The following ASXL3 variants were observed in gnomAD, a reference collection of about 807,000 sequenced individuals.
ASXL3 encodes the protein ASXL transcriptional regulator 3, also known as putative Polycomb group protein ASXL3.
ASXL3 carries 34 observed loss-of-function variants against 170.6 expected under a neutral mutation model. The ratio of observed to expected loss-of-function variants is 0.20; its 90% CI spans 0.15 to 0.27. ASXL3 has a LOEUF of 0.27. Among genes scored for constraint, ASXL3 ranks in the 10% least tolerant of loss-of-function variants. The pLI is 1.00. For missense variants in ASXL3, 2,592 were observed against 2,695.3 expected, an observed-to-expected ratio of 0.96 and a Z score of 0.85; for synonymous variants, 1,002 against 989.1, an observed-to-expected ratio of 1.01 and a Z score of -0.24.
chr18:33,658,115 C>G (rs988216924), intron 4 of ASXL3, among the ~76,000 whole-genome samples: 1 of 152,118 alleles, frequency 6.6e-6, no homozygotes, highest in Non-Finnish European at 1.5e-5. Flanking sequence ...GATAAAACAT[C>G]TGTCCTAATT....
chr18:33,642,653 A>G (rs965038058), intron 2 of ASXL3, among the ~76,000 whole-genome samples: 1 of 151,914 alleles, frequency 6.6e-6, no homozygotes, highest in Non-Finnish European at 1.5e-5. Flanking sequence ...TCCGTAGTAA[A>G]TCTTGTGTTT....
intron 1 of ASXL3, among the ~76,000 whole-genome samples, chr18:33,583,848 G>A (rs148550621): frequency 1.3e-5 from 2 of 152,104 alleles, no homozygotes; most frequent in Non-Finnish European, 2.9e-5. Context: ...AAACTTCAAT[G>A]AAATGCACTG....
chr18:33,610,948 A>T (rs1361733630), intron 2 of ASXL3, among the ~76,000 whole-genome samples: 3 of 152,106 alleles, frequency 2.0e-5, no homozygotes, highest in Non-Finnish European at 1.5e-5. Flanking sequence ...AAACACTGTG[A>T]AAGCCACTGG....
intron 9 of ASXL3, 147 bp from the exon 10 acceptor site, chr18:33,734,163 A>G (rs2067505969): frequency 2.1e-6 from 1 of 474,054 alleles, no homozygotes; most frequent in Non-Finnish European, 3.6e-6. Flanking sequence ...ATGTTCATAA[A>G]AAGAGAAGAT....
At chr18:33,605,742 A>T (rs1229340526) in intron 1 of ASXL3, 1 of 152,010 alleles carries the variant, frequency 6.6e-6, no homozygotes, top group Non-Finnish European at 1.5e-5. Context: ...GGCCCTTTCT[A>T]GATTTAATCA....
rs2067840369 is a variant in ASXL3 at position 33,748,897 on chromosome 18, A to G, written c.*2302A>G. 6.6e-6 allele frequency: 1 copy of G among 152,176 alleles called. No homozygotes were observed. The highest frequency in any genetic ancestry group is 6.5e-5 in the Admixed American group (1 of 15,282). 9.4% of individuals were successfully genotyped at this position (152,176 alleles called of 1,614,324 possible). On this transcript the variant is annotated 3_prime_UTR_variant, in exon 12 of 12. Coordinates refer to ENST00000269197, the MANE Select transcript of ASXL3 (RefSeq NM_030632.3). ...GTGAGGTACAATTGAGGCTGATGAG[A>G]TACTGAGCTCATTATCAGTTCCTTC...
At position 33,750,535 on chromosome 18, in the gene ASXL3, GTTTTTT is replaced by G. The variant is rs565877506; in HGVS notation, c.*3947_*3952del. The G allele has an allele frequency of 1.5e-5, 2 of 133,494 alleles. No homozygotes were observed. Among genetic ancestry groups the G allele is most frequent in the Non-Finnish European group, 3.2e-5 (2 of 61,658 alleles). 8.3% of individuals were successfully genotyped at this position (133,494 alleles called of 1,614,324 possible). ...CCTGATATGATACATATTTTCAGTA[GTTTTTT>G]TTTTTTAATGTGTGTTCGTTTGTAC... On this transcript the variant is annotated 3_prime_UTR_variant, in exon 12 of 12. Transcript: ENST00000269197.
intron 10 of ASXL3, among the ~76,000 whole-genome samples, chr18:33,735,322 C>G (rs1245952761): frequency 6.6e-6 from 1 of 152,172 alleles, no homozygotes; most frequent in African/African-American, 2.4e-5. Context: ...AGATAATTAA[C>G]AGACTGCTTG....
In ASXL3 at chr18:33,656,684, AT is replaced by A. The variant is rs1407891106; in HGVS notation, c.356-4931del. ...AAAGATGGCAAAGAGAAATCTATCTATAATTAGTGGCAGGTCGTGCAACTTC... is the reference window on the plus strand; with the variant it reads ...AAAGATGGCAAAGAGAAATCTATCTAAATTAGTGGCAGGTCGTGCAACTTC... On this transcript the variant is annotated intron_variant, in intron 4 of 11. Coordinates refer to ENST00000269197, the MANE Select transcript of ASXL3 (RefSeq NM_030632.3). Among the ~76,000 whole-genome samples, 4 of 152,140 alleles carry A rather than the reference AT, an allele frequency of 2.6e-5. No homozygotes were observed. In the East Asian group the frequency reaches 7.7e-4, roughly 29 times the overall value.
intron 8 of ASXL3, among the ~76,000 whole-genome samples, chr18:33,718,367 T>C (rs17753444): frequency 0.09 from 13,678 of 152,206 alleles, 635 homozygotes; most frequent in East Asian, 0.15. Flanking sequence ...AAATGAGTTG[T>C]TCTCACCTTC....
At position 33,601,785 on chromosome 18, in the gene ASXL3, G is replaced by GTATATATATATATATATATATA. The variant is rs1555717840; in HGVS notation, c.55-5799_55-5798insTATATATATATATATATATATA. Among the ~76,000 whole-genome samples the GTATATATATATATATATATATA allele has an allele frequency of 9.5e-4, 99 of 103,934 alleles. 8 individuals carry two copies. The highest frequency in any genetic ancestry group is 3.0e-3 in the South Asian group (10 of 3,296). The allele number at this position is 103,934 out of a possible 152,430, so 68.2% of individuals were successfully genotyped here. A position where few individuals can be genotyped will look rare whatever the true frequency, so the allele number is the denominator to read the frequency against. On this transcript the variant is annotated intron_variant, in intron 1 of 11. Coordinates refer to ENST00000269197, the MANE Select transcript of ASXL3 (RefSeq NM_030632.3). The stretch of plus-strand genomic sequence containing the variant: ...TGAGAATTTAAGTAAATATCTGATT[G>GTATATATATATATATATATATA]TATATATATAGTTTGTTTGTTTTGA...
At chr18:33,582,894 A>G (rs1253715159) in intron 1 of ASXL3, among the ~76,000 whole-genome samples, 1 of 152,056 alleles carries the variant, frequency 6.6e-6, no homozygotes, top group Non-Finnish European at 1.5e-5. Flanking sequence ...ATATTGTGTT[A>G]AAAATTAATC....
intron 1 of ASXL3, among the ~76,000 whole-genome samples, chr18:33,584,384 A>G (rs1251893555): frequency 6.6e-6 from 1 of 152,130 alleles, no homozygotes; most frequent in African/African-American, 2.4e-5. Flanking sequence ...AGGTGGTAAT[A>G]GAAAGGGAAT....
At chr18:33,740,467 G>A in intron 11 of ASXL3, 24 bp downstream of exon 11, 1 of 1,496,424 alleles carries the variant, frequency 6.7e-7, no homozygotes, top group Admixed American at 2.4e-5. Context: ...TAAACAAAAG[G>A]CAATTCCGTA....
At chr18:33,674,869 C>T (rs770623308) in intron 7 of ASXL3, among the ~76,000 whole-genome samples, 106 of 152,232 alleles carry the variant, frequency 7.0e-4, no homozygotes, top group African/African-American at 2.3e-3. Context: ...CCACCTGCCT[C>T]GGCTTCCCAA....
chr18:33,650,318 G>A (rs1043218987), intron 4 of ASXL3, among the ~76,000 whole-genome samples: 1 of 152,042 alleles, frequency 6.6e-6, no homozygotes, highest in Non-Finnish European at 1.5e-5. Flanking sequence ...TAGGAACCAG[G>A]GAGGGAGAAT....
At chr18:33,666,229 T>G (rs2066253312) in intron 5 of ASXL3, among the ~76,000 whole-genome samples, 1 of 152,166 alleles carries the variant, frequency 6.6e-6, no homozygotes, top group Non-Finnish European at 1.5e-5. Context: ...GATAGTCCAT[T>G]AGCATTCCAC....
At position 33,745,981 on chromosome 18, in the gene ASXL3, C is replaced by T. The variant is rs757363902; in HGVS notation, c.6133C>T (p.Leu2045Phe). 1.9e-6 allele frequency: 3 copies of T among 1,599,576 alleles called. No individual in the cohort carries two copies. Among genetic ancestry groups the T allele is most frequent in the Non-Finnish European group, 1.7e-6 (2 of 1,173,844 alleles). Reference sequence around the variant, plus strand: ...CCCACCACCTCCGCTACCTCCACCTCTCCCTAATGCAGAAGTCCCATCTGA... The same window carrying T: ...CCCACCACCTCCGCTACCTCCACCTTTCCCTAATGCAGAAGTCCCATCTGA... The part of the protein sequence containing the change: ...PPPPPPLPPP[L>F]PNAEVPSDQK... Residue 2045 changes from leucine to phenylalanine, a missense_variant, in exon 12 of 12, where the codon CTC becomes TTC. Physicochemically the swap from Leu to Phe is conservative, Grantham distance 22. Around this residue, in one of 4 missense-constraint regions of ASXL3, gnomAD observed 2,246 missense variants for 2,219.6 expected, o/e 1.01. Coordinates refer to ENST00000269197, the MANE Select transcript of ASXL3 (RefSeq NM_030632.3).
Position 33,644,973 on chromosome 18 carries a change from C to G in ASXL3, c.217C>G (p.Pro73Ala), listed in dbSNP as rs1219828469. ...RIGDGTFFKI[P>A]GKSGLYALKK... The stretch of plus-strand genomic sequence containing the variant: ...AGGGGATGGAACATTCTTCAAAATC[C>G]CTGGAAAGTCAGGCCTCTATGCTCT... Residue 73 changes from proline (P) to alanine (A), a missense_variant, in exon 3 of 12, where the codon CCT (proline) becomes GCT (alanine). By Grantham distance (27) the Pro-to-Ala change is conservative. Coordinates refer to ENST00000269197, the MANE Select transcript of ASXL3 (RefSeq NM_030632.3). 6.4e-7 allele frequency: 1 copy of G among 1,571,588 alleles called. No individual in the cohort carries two copies. Among genetic ancestry groups the G allele is most frequent in the South Asian group, 1.2e-5 (1 of 85,576 alleles).
Sources: gnomAD v4.1 joint callset for allele counts (sites outside exome capture counted in the v4.1 genomes callset) on GRCh38, gnomAD v4.1.1 for gene constraint, gnomAD v4.1.1 regional missense constraint, MANE v1.5 for transcripts, NCBI Gene and HGNC (gene_info 2026-07-23, HGNC 2026-07-21) for gene names.